RANBP9: variants seen among roughly 807,000 people sequenced by gnomAD.
The protein encoded by RANBP9 is ran-binding protein 9.
A neutral mutation model predicts 84.3 loss-of-function variants in RANBP9; 15 were observed. The observed-to-expected ratio is 0.18, with a 90% CI of 0.12 to 0.27. The LOEUF (loss-of-function observed/expected upper bound fraction) is 0.27, where lower values mean the gene tolerates loss of function less well. Ranked by LOEUF, RANBP9 falls within the 10% of genes least tolerant of loss-of-function variation. The pLI is 1.00. For missense variants in RANBP9, 809 were observed against 912.8 expected, an observed-to-expected ratio of 0.89 and a Z score of 1.46; for synonymous variants, 392 against 349.6, an observed-to-expected ratio of 1.12 and a Z score of -1.35.
chr6:13,709,646 G>T (rs540759246), intron 1 of RANBP9, among the ~76,000 whole-genome samples: 2 of 152,224 alleles, frequency 1.3e-5, no homozygotes, highest in East Asian at 1.9e-4. Flanking sequence ...ATAACACTTG[G>T]AAGTACTTCT....
At position 13,652,698 on chromosome 6, in the gene RANBP9, A is replaced by C; in HGVS notation, c.905-17T>G. 6.3e-7 allele frequency: 1 copy of C among 1,590,340 alleles called. No individual in the cohort carries two copies. The highest frequency in any genetic ancestry group is 8.6e-7 in the Non-Finnish European group (1 of 1,163,520). On this transcript the variant is annotated splice_polypyrimidine_tract_variant and intron_variant, in intron 4 of 13. Transcript: ENST00000011619. ...AAGCAATACCTAAAAAGAAAAAAAA[A>C]AGTGGCATTAGAAGCTGTTTTTCAA...
Position 13,659,247 on chromosome 6 carries a change from CACACACACAT to C in RANBP9, c.684-425_684-416del, listed in dbSNP as rs1228713607. 4.1e-3 allele frequency among the ~76,000 whole-genome samples: 473 copies of C among 114,400 alleles called. 5 individuals are homozygous for C. The highest frequency in any genetic ancestry group is 4.6e-3 in the East Asian group (15 of 3,276). The allele number at this position is 114,400 out of a possible 152,430, so 75.1% of individuals were successfully genotyped here. A position where few individuals can be genotyped will look rare whatever the true frequency, so the allele number is the denominator to read the frequency against. On this transcript the variant is annotated intron_variant, in intron 2 of 13. Coordinates refer to ENST00000011619, the MANE Select transcript of RANBP9 (RefSeq NM_005493.3). ...ACACAGTACAAATTTAGACCCCACA[CACACACACAT>C]ACACACACACACACACACACACACA...
At chr6:13,696,036 C>T (rs1376654845) in intron 2 of RANBP9, among the ~76,000 whole-genome samples, 1 of 151,226 alleles carries the variant, frequency 6.6e-6, no homozygotes, top group Non-Finnish European at 1.5e-5. Context: ...TCAGGAAATA[C>T]TATAGGATAG....
intron 1 of RANBP9, among the ~76,000 whole-genome samples, chr6:13,702,854 C>G (rs1758009837): frequency 6.6e-6 from 1 of 152,152 alleles, no homozygotes; most frequent in Non-Finnish European, 1.5e-5. Context: ...ACTCTTTCAA[C>G]CCACTGAAAT....
intron 1 of RANBP9, among the ~76,000 whole-genome samples, chr6:13,708,431 CAT>C (rs1758181554): frequency 6.6e-6 from 1 of 152,172 alleles, no homozygotes; most frequent in African/African-American, 2.4e-5. Context: ...ATCACACACA[CAT>C]ACACAAAAAC....
intron 2 of RANBP9, among the ~76,000 whole-genome samples, chr6:13,659,681 T>C (rs1584928278): frequency 6.6e-6 from 1 of 152,074 alleles, no homozygotes; most frequent in African/African-American, 2.4e-5. Context: ...GTTATCAAGG[T>C]TTTAAATGGC....
chr6:13,697,672 T>C (rs1757873893), intron 1 of RANBP9, among the ~76,000 whole-genome samples: 1 of 152,032 alleles, frequency 6.6e-6, no homozygotes, highest in East Asian at 1.9e-4. Context: ...AAGACACAAA[T>C]TACCTTGAAA....
intron 2 of RANBP9, among the ~76,000 whole-genome samples, chr6:13,663,107 C>T (rs1362752182): frequency 6.6e-6 from 1 of 151,890 alleles, no homozygotes; most frequent in Non-Finnish European, 1.5e-5. Context: ...GAAAACCACA[C>T]CTAGGCACAA....
At chr6:13,636,250 T>G (rs1764937381) in intron 10 of RANBP9, among the ~76,000 whole-genome samples, 1 of 152,110 alleles carries the variant, frequency 6.6e-6, no homozygotes, top group Non-Finnish European at 1.5e-5. Context: ...ATAATTGACC[T>G]TAAGAAAAAA....
intron 13 of RANBP9, among the ~76,000 whole-genome samples, chr6:13,625,316 A>C (rs1229901878): frequency 6.6e-6 from 1 of 152,196 alleles, no homozygotes; most frequent in Non-Finnish European, 1.5e-5. Flanking sequence ...CTGGTAGGGT[A>C]GTATTTTGAA....
intron 6 of RANBP9, 53 bp from the exon 7 acceptor site, chr6:13,642,644 C>T (rs974548295): frequency 3.3e-6 from 4 of 1,217,628 alleles, no homozygotes; most frequent in African/African-American, 1.5e-5. Flanking sequence ...ATACATGCTT[C>T]ATACTACAAT....
chr6:13,629,921 CGTGTGTGT>C (rs3063992), intron 12 of RANBP9, among the ~76,000 whole-genome samples: 7 of 128,342 alleles, frequency 5.5e-5, no homozygotes, highest in Admixed American at 1.5e-4. Flanking sequence ...CTCTCTCTCT[CGTGTGTGT>C]GTGTGTGTGT....
chr6:13,626,338 C>T (rs1764602120), intron 12 of RANBP9, among the ~76,000 whole-genome samples: 1 of 152,166 alleles, frequency 6.6e-6, no homozygotes, highest in Non-Finnish European at 1.5e-5. Context: ...TTTCAAACAA[C>T]TACTTTATAT....
intron 2 of RANBP9, among the ~76,000 whole-genome samples, chr6:13,665,376 T>A (rs1765622816): frequency 6.6e-6 from 1 of 151,562 alleles, no homozygotes; most frequent in Non-Finnish European, 1.5e-5. Context: ...AGCCAAGGAG[T>A]ACATGAAAAA....
chr6:13,697,648 C>T (rs1448427151), intron 1 of RANBP9, among the ~76,000 whole-genome samples: 1 of 152,156 alleles, frequency 6.6e-6, no homozygotes, highest in Non-Finnish European at 1.5e-5. Flanking sequence ...AATCACTTCC[C>T]CTACCTCTCG....
At chr6:13,686,055 ATTTTTTCTGTACTT>A (rs966241895) in intron 2 of RANBP9, among the ~76,000 whole-genome samples, 2 of 137,012 alleles carry the variant, frequency 1.5e-5, no homozygotes, top group African/African-American at 5.4e-5. Context: ...TCTCCCTTAC[ATTTTTTCTGTACTT>A]TTTTTTCTTT....
intron 1 of RANBP9, among the ~76,000 whole-genome samples, chr6:13,710,645 T>C (rs917227039): frequency 1.3e-5 from 2 of 152,222 alleles, no homozygotes; most frequent in Admixed American, 6.5e-5. Flanking sequence ...GCCAGTTCTG[T>C]CCTGTCATCC....
intron 2 of RANBP9, among the ~76,000 whole-genome samples, chr6:13,684,194 T>C (rs1279287923): frequency 6.6e-6 from 1 of 152,202 alleles, no homozygotes; most frequent in Non-Finnish European, 1.5e-5. Flanking sequence ...ACAACATGGA[T>C]ATAGCAGTAA....
chr6:13,704,075 T>G (rs1274197974), intron 1 of RANBP9, among the ~76,000 whole-genome samples: 1 of 152,226 alleles, frequency 6.6e-6, no homozygotes, highest in African/African-American at 2.4e-5. Context: ...AGTATTACTT[T>G]TAAATATCTC....
Sources: allele counts gnomAD v4.1 joint callset (sites outside exome capture counted in the v4.1 genomes callset), GRCh38; gene constraint gnomAD v4.1.1; transcripts MANE v1.5; gene names NCBI Gene and HGNC (gene_info 2026-07-23, HGNC 2026-07-21).